SLC9A9: variants seen among roughly 807,000 people sequenced by gnomAD.
SLC9A9 encodes the protein sodium/hydrogen exchanger 9.
SLC9A9 carries 62 observed loss-of-function variants against 77.8 expected under a neutral mutation model. That is an observed-to-expected ratio of 0.80 (90% confidence interval 0.65 to 0.98). The LOEUF (loss-of-function observed/expected upper bound fraction) is 0.98, where lower values mean the gene tolerates loss of function less well. SLC9A9 is among the 50% of genes least tolerant of loss of function. The probability of loss-of-function intolerance (pLI) is 0.00; values close to 1 mark genes in which losing one functional copy is unlikely to be tolerated. For synonymous variants in SLC9A9, 320 were observed against 283.5 expected (o/e 1.13, Z -1.29); for missense variants, 775 against 774.9 (o/e 1.00, Z 0.00).
chr3:143,771,882 GAGA>G (rs1483296374), intron 4 of SLC9A9, among the ~76,000 whole-genome samples: 3 of 152,114 alleles, frequency 2.0e-5, no homozygotes, highest in Admixed American at 6.5e-5. Context: ...TGAGGGGATG[GAGA>G]AGAAGAAGAA....
At chr3:143,704,653 C>A (rs191200709) in intron 4 of SLC9A9, among the ~76,000 whole-genome samples, 92 of 151,944 alleles carry the variant, frequency 6.1e-4, no homozygotes, top group African/African-American at 2.2e-3. Flanking sequence ...CTCACAATAG[C>A]CAAGATTTGG....
intron 9 of SLC9A9, among the ~76,000 whole-genome samples, chr3:143,523,869 A>T (rs1226289341): frequency 6.6e-6 from 1 of 152,184 alleles, no homozygotes; most frequent in African/African-American, 2.4e-5. Flanking sequence ...AAATATATTT[A>T]TTTTTAATTC....
chr3:143,575,318 A>G (rs2037340238), intron 7 of SLC9A9, among the ~76,000 whole-genome samples: 1 of 152,212 alleles, frequency 6.6e-6, no homozygotes, highest in African/African-American at 2.4e-5. Flanking sequence ...TACCTGGATT[A>G]AAATTCACAG....
intron 4 of SLC9A9, among the ~76,000 whole-genome samples, chr3:143,728,250 C>T (rs193012411): frequency 2.0e-5 from 3 of 152,150 alleles, no homozygotes; most frequent in East Asian, 1.9e-4. Flanking sequence ...CTGGAGAAAA[C>T]GACCTGTCAG....
chr3:143,266,908 C>T lies in SLC9A9; in HGVS notation c.1732G>A (p.Val578Met). Residue 578 changes from valine to methionine, a missense_variant, in exon 16 of 16, where the codon GTG becomes ATG. By Grantham distance (21) the Val-to-Met change is conservative. Coordinates refer to ENST00000316549, the MANE Select transcript of SLC9A9 (RefSeq NM_173653.4). ...TCATCCTGGTTTACAATGCATTCCA[C>T]ATCATCCTCTTTTAGCTGTTCCTGG... is the stretch of plus-strand genomic sequence containing the variant. ...AYGEQLKEDD[V>M]ECIVNQDELA... The T allele has an allele frequency of 6.2e-7, 1 of 1,614,022 alleles. No homozygotes were observed. The highest frequency in any genetic ancestry group is 1.1e-5 in the South Asian group (1 of 91,072).
At chr3:143,271,950 G>T (rs1937911272) in intron 14 of SLC9A9, among the ~76,000 whole-genome samples, 1 of 152,156 alleles carries the variant, frequency 6.6e-6, no homozygotes, top group African/African-American at 2.4e-5. Context: ...TTTGGATTTA[G>T]AATATAGGAA....
intron 4 of SLC9A9, among the ~76,000 whole-genome samples, chr3:143,711,510 C>A (rs542834322): frequency 4.5e-4 from 69 of 151,986 alleles, no homozygotes; most frequent in African/African-American, 1.7e-3. Flanking sequence ...AGGTCTCCTG[C>A]TGTCTTAGCC....
chr3:143,625,480 T>C (rs2038305386), intron 6 of SLC9A9, among the ~76,000 whole-genome samples: 1 of 152,320 alleles, frequency 6.6e-6, no homozygotes, highest in Middle Eastern at 3.4e-3. Context: ...AACCATCTGA[T>C]CTTTGACAAA....
intron 14 of SLC9A9, among the ~76,000 whole-genome samples, chr3:143,297,854 T>G (rs913561460): frequency 6.6e-6 from 1 of 152,228 alleles, no homozygotes; most frequent in Non-Finnish European, 1.5e-5. Context: ...CTTCTTGACT[T>G]TAAGAGTCAG....
intron 4 of SLC9A9, among the ~76,000 whole-genome samples, chr3:143,703,640 A>G (rs1431297749): frequency 6.6e-6 from 1 of 152,152 alleles, no homozygotes; most frequent in Non-Finnish European, 1.5e-5. Flanking sequence ...AAACAACCTA[A>G]TGATGTATCT....
chr3:143,799,030 A>C (rs575381310), intron 2 of SLC9A9, among the ~76,000 whole-genome samples: 2 of 152,220 alleles, frequency 1.3e-5, no homozygotes, highest in African/African-American at 4.8e-5. Context: ...GGTCTGGCTT[A>C]CGGTTCTGTT....
At chr3:143,709,940 G>T (rs1934094635) in intron 4 of SLC9A9, among the ~76,000 whole-genome samples, 1 of 152,162 alleles carries the variant, frequency 6.6e-6, no homozygotes, top group Non-Finnish European at 1.5e-5. Flanking sequence ...AGAGACAGAT[G>T]ATTGTTTTGG....
chr3:143,651,565 A>G (rs1232318811), intron 6 of SLC9A9, among the ~76,000 whole-genome samples: 2 of 152,216 alleles, frequency 1.3e-5, no homozygotes, highest in African/African-American at 2.4e-5. Context: ...CAGTTGCCCA[A>G]AATGTTGGTC....
chr3:143,821,015 A>G (rs745567704), intron 2 of SLC9A9, among the ~76,000 whole-genome samples: 7 of 152,104 alleles, frequency 4.6e-5, no homozygotes, highest in Admixed American at 1.3e-4. Context: ...GGCCTGGGGA[A>G]GCTGGACTGG....
chr3:143,299,861 G>C (rs1478143142), intron 14 of SLC9A9, among the ~76,000 whole-genome samples: 1 of 152,218 alleles, frequency 6.6e-6, no homozygotes, highest in Non-Finnish European at 1.5e-5. Flanking sequence ...CCTGGGTTCT[G>C]AGCCTTATCC....
chr3:143,785,854 T>C (rs1192932916), intron 4 of SLC9A9, among the ~76,000 whole-genome samples: 11 of 75,684 alleles, frequency 1.5e-4, no homozygotes, highest in East Asian at 4.9e-4. Flanking sequence ...TCTTTTTTTT[T>C]TTTTTTTTTT....
intron 15 of SLC9A9, 112 bp from the exon 16 acceptor site, chr3:143,267,041 T>C (rs1254508283): frequency 5.2e-6 from 5 of 967,584 alleles, no homozygotes; most frequent in African/African-American, 3.3e-5. Context: ...TTTCTGTAAC[T>C]GCCCTGTCTG....
At chr3:143,813,504 A>G (rs961358998) in intron 2 of SLC9A9, among the ~76,000 whole-genome samples, 3 of 152,142 alleles carry the variant, frequency 2.0e-5, no homozygotes, top group African/African-American at 7.2e-5. Flanking sequence ...TCACATTGGA[A>G]TTAGCCTGCT....
At chr3:143,715,403 C>T (rs1471470967) in intron 4 of SLC9A9, among the ~76,000 whole-genome samples, 2 of 152,060 alleles carry the variant, frequency 1.3e-5, no homozygotes, top group African/African-American at 4.8e-5. Context: ...CATTTTTTGC[C>T]TTACCCTGCC....
Sources: allele counts gnomAD v4.1 joint callset (sites outside exome capture counted in the v4.1 genomes callset), GRCh38; gene constraint gnomAD v4.1.1; transcripts MANE v1.5; gene names NCBI Gene and HGNC (gene_info 2026-07-23, HGNC 2026-07-21).